Variants in AMBRA1 observed in about 807,000 individuals in gnomAD.
AMBRA1 encodes the protein activating molecule in BECN1-regulated autophagy protein 1.
Under a neutral mutation model 125.4 loss-of-function variants are expected in AMBRA1, and 47 were observed. That is an observed-to-expected ratio of 0.37 (90% CI 0.30 to 0.48). The LOEUF is 0.48. Ranked by LOEUF, AMBRA1 falls within the 20% of genes least tolerant of loss-of-function variation. The pLI is 0.99. For missense variants in AMBRA1, 1,331 were observed against 1,693.4 expected, an observed-to-expected ratio of 0.79 and a Z score of 3.76; for synonymous variants, 626 against 655.5, an observed-to-expected ratio of 0.95 and a Z score of 0.69.
At chr11:46,562,152 C>A (rs952648057) in intron 1 of AMBRA1, among the ~76,000 whole-genome samples, 2 of 152,080 alleles carry the variant, frequency 1.3e-5, no homozygotes, top group African/African-American at 4.8e-5. Context: ...CCAGAGAAAG[C>A]CTCTCTGAGA....
chr11:46,461,028 A>G (rs1320622011), intron 11 of AMBRA1, among the ~76,000 whole-genome samples: 1 of 152,250 alleles, frequency 6.6e-6, no homozygotes, highest in Non-Finnish European at 1.5e-5. Flanking sequence ...GGACCCCTTG[A>G]GCTCAGGAGC....
chr11:46,562,151 G>A (rs919562390), intron 1 of AMBRA1, among the ~76,000 whole-genome samples: 17 of 152,154 alleles, frequency 1.1e-4, no homozygotes, highest in African/African-American at 3.6e-4. Context: ...GCCAGAGAAA[G>A]CCTCTCTGAG....
At chr11:46,445,213 G>C (rs1159032947) in intron 11 of AMBRA1, among the ~76,000 whole-genome samples, 1 of 152,002 alleles carries the variant, frequency 6.6e-6, no homozygotes, top group East Asian at 1.9e-4. Context: ...TGTCTAAAAA[G>C]GTTCCTCAGG....
chr11:46,402,415 G>T (rs894250438), intron 17 of AMBRA1, among the ~76,000 whole-genome samples: 1 of 152,098 alleles, frequency 6.6e-6, no homozygotes, highest in Non-Finnish European at 1.5e-5. Context: ...AGGCTGGAGT[G>T]CGGTGGCGAG....
rs76486823 is a variant in AMBRA1, at chr11:46,547,152, A to G, written c.339T>C (p.Ser113=). The G allele has an allele frequency of 1.7e-5, 27 of 1,613,782 alleles. No individual in the cohort carries two copies. The highest frequency in any genetic ancestry group is 2.3e-5 in the Non-Finnish European group (27 of 1,179,930). ...FHPTISGLIA[S]GCLDGEVRIW... ...TCCTAACCTCCCCATCTAGGCAGCC[A>G]GAAGCAATAAGGCCTGAGATGGTGG... is the stretch of plus-strand genomic sequence containing the variant. The change falls in exon 4 of 18, where the codon TCT becomes TCC. Residue 113 remains serine, a synonymous_variant. Transcript: ENST00000683756.
intron 7 of AMBRA1, among the ~76,000 whole-genome samples, chr11:46,536,232 C>A (rs1019986236): frequency 5.3e-5 from 8 of 152,138 alleles, no homozygotes; most frequent in African/African-American, 1.9e-4. Flanking sequence ...AGGTAGTATT[C>A]TAGGTAGACA....
At chr11:46,566,085 T>TAC (rs1440358946) in intron 1 of AMBRA1, among the ~76,000 whole-genome samples, 1 of 152,116 alleles carries the variant, frequency 6.6e-6, no homozygotes, top group Non-Finnish European at 1.5e-5. Context: ...TTAAACAAAC[T>TAC]ACAGTACATC....
intron 1 of AMBRA1, among the ~76,000 whole-genome samples, chr11:46,586,898 G>T (rs749121684): frequency 1.7e-4 from 26 of 152,126 alleles, no homozygotes; most frequent in Non-Finnish European, 2.8e-4. Context: ...CCTGTTTTCA[G>T]TGGTCGCCTA....
At chr11:46,476,848 C>T (rs1371881684) in intron 11 of AMBRA1, among the ~76,000 whole-genome samples, 1 of 152,182 alleles carries the variant, frequency 6.6e-6, no homozygotes, top group East Asian at 1.9e-4. Flanking sequence ...TGTGGTGCCT[C>T]ACGCCTGTAA....
chr11:46,530,281 A>G (rs1412985293), intron 7 of AMBRA1, among the ~76,000 whole-genome samples: 1 of 148,860 alleles, frequency 6.7e-6, no homozygotes, highest in Non-Finnish European at 1.5e-5. Context: ...TACAAAGCAC[A>G]CAGCACGCTC....
In AMBRA1 at chr11:46,545,781, G is replaced by C; in HGVS notation, c.379-5C>G. On this transcript the variant is annotated splice_polypyrimidine_tract_variant and splice_region_variant and intron_variant, in intron 4 of 17. Coordinates refer to ENST00000683756, the MANE Select transcript of AMBRA1 (RefSeq NM_001387011.1). ...GAACCAGCTTTCACTGCCACCCTGT[G>C]AATGAACCAATTCCAGATATTCTCA... 6.2e-7 allele frequency: 1 copy of C among 1,613,420 alleles called. No individual in the cohort carries two copies. The highest frequency in any genetic ancestry group is 8.5e-7 in the Non-Finnish European group (1 of 1,179,572).
At chr11:46,524,989 A>G (rs1185374121) in intron 7 of AMBRA1, among the ~76,000 whole-genome samples, 1 of 152,228 alleles carries the variant, frequency 6.6e-6, no homozygotes, top group Non-Finnish European at 1.5e-5. Flanking sequence ...TTAGTTATAT[A>G]TATCAGTACT....
rs1184302204 is a variant in AMBRA1 at position 46,512,729 on chromosome 11, C to T, written c.2157G>A (p.Ala719=). 1 of 1,612,992 alleles carries T rather than the reference C, an allele frequency of 6.2e-7. No homozygotes were observed. The highest frequency in any genetic ancestry group is 8.5e-7 in the Non-Finnish European group (1 of 1,179,500). The change falls in exon 8 of 18, where the codon GCG becomes GCA. Residue 719 remains alanine, a splice_region_variant and synonymous_variant. Transcript: ENST00000683756. The part of the protein sequence containing the change: ...SREHPIYPDP[A]RLSPAAYYAQ... ...GCCATTTCTCACTTTGGCCTTACCT[C>T]GCTGGGTCTGGGTAAATTGGGTGCT...
At chr11:46,520,741 G>A (rs1191200365) in intron 7 of AMBRA1, among the ~76,000 whole-genome samples, 4 of 149,476 alleles carry the variant, frequency 2.7e-5, no homozygotes, top group Admixed American at 1.3e-4. Context: ...GACTACAGGC[G>A]CCCACCACCA....
intron 14 of AMBRA1, among the ~76,000 whole-genome samples, chr11:46,429,967 G>A (rs1437123540): frequency 6.6e-6 from 1 of 152,076 alleles, no homozygotes; most frequent in African/African-American, 2.4e-5. Flanking sequence ...ATCCAGTCTG[G>A]AGGAATCGCA....
chr11:46,546,336 A>G (rs1953017563), intron 4 of AMBRA1, among the ~76,000 whole-genome samples: 1 of 152,136 alleles, frequency 6.6e-6, no homozygotes, highest in Admixed American at 6.6e-5. Flanking sequence ...CACCGCGCCC[A>G]GCCCACAGTT....
chr11:46,433,434 G>C, intron 14 of AMBRA1, 40 bp downstream of exon 14: 1 of 1,603,696 alleles, frequency 6.2e-7, no homozygotes, highest in Non-Finnish European at 8.5e-7. Flanking sequence ...CAAGCCTAGG[G>C]GAGCTGCCAT....
At chr11:46,450,999 A>G (rs904888885) in intron 11 of AMBRA1, among the ~76,000 whole-genome samples, 1 of 152,160 alleles carries the variant, frequency 6.6e-6, no homozygotes, top group Non-Finnish European at 1.5e-5. Flanking sequence ...TTTTCCACTC[A>G]ACTTTTAATA....
intron 9 of AMBRA1, among the ~76,000 whole-genome samples, chr11:46,496,805 TAAA>T (rs767496674): frequency 5.0e-5 from 7 of 139,258 alleles, no homozygotes; most frequent in Admixed American, 1.4e-4. Context: ...TCCCTTCATT[TAAA>T]AAAAAAAAAA....
Sources: gnomAD v4.1 joint callset for allele counts (sites outside exome capture counted in the v4.1 genomes callset) on GRCh38, gnomAD v4.1.1 for gene constraint, MANE v1.5 for transcripts, NCBI Gene and HGNC (gene_info 2026-07-23, HGNC 2026-07-21) for gene names.